Variants in EMG1 observed in about 807,000 individuals in gnomAD.
EMG1 encodes the protein EMG1 N1-specific pseudouridine methyltransferase, also known as ribosomal RNA small subunit methyltransferase NEP1.
A neutral mutation model predicts 26.9 loss-of-function variants in EMG1; 24 were observed. The ratio of observed to expected loss-of-function variants is 0.89; its 90% confidence interval spans 0.65 to 1.26. EMG1 has a LOEUF of 1.26. EMG1 is among the 50% of genes most tolerant of loss of function. The pLI is 0.00. For missense variants in EMG1, 299 were observed against 307.6 expected, an observed-to-expected ratio of 0.97 and a Z score of 0.21; for synonymous variants, 140 against 112.6, an observed-to-expected ratio of 1.24 and a Z score of -1.54.
chr12:6,973,076 G>A (rs782425562), intron 1 of EMG1, among the ~76,000 whole-genome samples: 2 of 151,202 alleles, frequency 1.3e-5, no homozygotes, highest in Admixed American at 1.3e-4. Context: ...CTGGGCTCAA[G>A]TGATCCTTCC....
chr12:6,979,969 T>C (rs1946452928), downstream of EMG1: 1 of 175,018 alleles, frequency 5.7e-6, no homozygotes, highest in Non-Finnish European at 1.2e-5. Flanking sequence ...GAATTGATGC[T>C]GAAACACAGG....
intron 7 of EMG1, among the ~76,000 whole-genome samples, chr12:6,994,230 CAG>C (rs1246779345): frequency 6.6e-6 from 1 of 152,096 alleles, no homozygotes; most frequent in African/African-American, 2.4e-5. Flanking sequence ...CCCTTTGGGA[CAG>C]AGTCTCTCTG....
chr12:6,975,513 C>A, intron 5 of EMG1, 135 bp downstream of exon 5: 1 of 1,098,338 alleles, frequency 9.1e-7, no homozygotes, highest in Non-Finnish European at 1.3e-6. Flanking sequence ...CCCCAGGGCA[C>A]ATCCTTTGAG....
At position 6,978,313 on chromosome 12, in the gene EMG1, G is replaced by C; in HGVS notation, c.*2504G>C. 1 of 1,587,308 alleles carries C rather than the reference G, an allele frequency of 6.3e-7. No homozygotes were observed. The highest frequency in any genetic ancestry group is 8.6e-7 in the Non-Finnish European group (1 of 1,165,798). ...GGAAGACAGTGGAAGGAAGGAACCA[G>C]GGTCCAGGCTCCCCACCAGCAGCTC... On this transcript the variant is annotated 3_prime_UTR_variant, in exon 6 of 6. Transcript: ENST00000599672.
rs1478084014 is a variant in EMG1 at position 6,977,698 on chromosome 12, T to C, written c.*1889T>C. 1.9e-6 allele frequency: 3 copies of C among 1,614,104 alleles called. No individual in the cohort carries two copies. The African/African-American group carries it at 4.0e-5, about 22-fold the overall frequency. The stretch of plus-strand genomic sequence containing the variant: ...GGCCAGGAATAGCAACGAGAGACCC[T>C]GAGAGAGTTCTTTATTTCCAAGGAA... On this transcript the variant is annotated 3_prime_UTR_variant, in exon 6 of 6. Coordinates refer to ENST00000599672, the MANE Select transcript of EMG1 (RefSeq NM_006331.8). The surrounding 1 kb of genome is among the most constrained non-coding windows in gnomAD (Gnocchi z 4.5).
In EMG1 at chr12:6,977,769, G is replaced by T; in HGVS notation, c.*1960G>T. 6.2e-7 allele frequency: 1 copy of T among 1,613,240 alleles called. No homozygotes were observed. Among genetic ancestry groups the T allele is most frequent in the South Asian group, 1.1e-5 (1 of 90,820 alleles). ...AGCTGGAGAAAAGGGTGGGTGGGGCGACCCTCAAACTGACTGGTCCTTGCA... is the reference window on the plus strand; with the variant it reads ...AGCTGGAGAAAAGGGTGGGTGGGGCTACCCTCAAACTGACTGGTCCTTGCA... On this transcript the variant is annotated 3_prime_UTR_variant, in exon 6 of 6. Coordinates refer to ENST00000599672, the MANE Select transcript of EMG1 (RefSeq NM_006331.8). The surrounding 1 kb of genome is among the most constrained non-coding windows in gnomAD (Gnocchi z 4.5).
intron 6 of EMG1, among the ~76,000 whole-genome samples, chr12:6,985,303 G>A (rs1946511758): frequency 6.6e-6 from 1 of 152,084 alleles, no homozygotes; most frequent in Non-Finnish European, 1.5e-5. Flanking sequence ...GGCTGAGGCA[G>A]GAGAATGGCA....
chr12:6,981,702 T>C (rs1555154107), downstream of EMG1: 2 of 1,239,688 alleles, frequency 1.6e-6, no homozygotes, highest in Non-Finnish European at 2.2e-6. Flanking sequence ...GTAGACTGAG[T>C]GCAGCCAGAA....
chr12:6,992,991 TTATTG>T (rs1309942205), downstream of EMG1, among the ~76,000 whole-genome samples: 2 of 152,324 alleles, frequency 1.3e-5, no homozygotes, highest in Non-Finnish European at 2.9e-5. Context: ...TATATTTTTA[TTATTG>T]TATTATTATT....
At chr12:6,972,630 T>C (rs1316590744) in intron 1 of EMG1, among the ~76,000 whole-genome samples, 1 of 152,224 alleles carries the variant, frequency 6.6e-6, no homozygotes, top group Non-Finnish European at 1.5e-5. Context: ...ATCAAACTTC[T>C]GATGTCTTTT....
Position 6,977,020 on chromosome 12 carries a change from T to C in EMG1, c.*1211T>C, listed in dbSNP as rs1946411516. On this transcript the variant is annotated 3_prime_UTR_variant, in exon 6 of 6. Coordinates refer to ENST00000599672, the MANE Select transcript of EMG1 (RefSeq NM_006331.8). The surrounding 1 kb of genome is among the most constrained non-coding windows in gnomAD (Gnocchi z 4.5). ...TCATTGCCCATACTGTGTTCCTTAG[T>C]AGCCAGGCTAATCCTTGGAATTCAC... 1.4e-6 allele frequency: 1 copy of C among 716,522 alleles called. No homozygotes were observed. Among genetic ancestry groups the C allele is most frequent in the Admixed American group, 2.0e-5 (1 of 48,990 alleles). 44.4% of individuals were successfully genotyped at this position (716,522 alleles called of 1,614,324 possible).
chr12:6,994,839 A>C (rs1308089080), intron 7 of EMG1, among the ~76,000 whole-genome samples: 2 of 152,072 alleles, frequency 1.3e-5, no homozygotes, highest in African/African-American at 4.8e-5. Flanking sequence ...CGTTTCTTTC[A>C]CCGAAGGCAT....
rs1946437580 is a variant in EMG1, at chr12:6,978,746, C to T, written c.*2937C>T. The T allele has an allele frequency of 6.3e-7, 1 of 1,596,428 alleles. No homozygotes were observed. Among genetic ancestry groups the T allele is most frequent in the East Asian group, 2.2e-5 (1 of 44,626 alleles). On this transcript the variant is annotated 3_prime_UTR_variant, in exon 6 of 6. Transcript: ENST00000599672. ...TATCACATGACTAGGCAGTTTCTCT[C>T]AGCACTCTTCCTTTTCACACTTGTG...
chr12:6,983,503 A>G (rs1295988013), downstream of EMG1: 4 of 1,612,566 alleles, frequency 2.5e-6, no homozygotes, highest in Non-Finnish European at 3.4e-6. Context: ...CTCCTTGTAG[A>G]AAAGGTAATG....
At position 6,978,271 on chromosome 12, in the gene EMG1, C is replaced by A; in HGVS notation, c.*2462C>A. 1.3e-6 allele frequency: 2 copies of A among 1,534,386 alleles called. No homozygotes were observed. Among genetic ancestry groups the A allele is most frequent in the Non-Finnish European group, 1.8e-6 (2 of 1,134,220 alleles). On this transcript the variant is annotated 3_prime_UTR_variant, in exon 6 of 6. Coordinates refer to ENST00000599672, the MANE Select transcript of EMG1 (RefSeq NM_006331.8). ...GACGCATAGGGGTGACATGGTACAC[C>A]CCTGCCCTCCAATCTGGGAAGACAG...
At position 6,978,319 on chromosome 12, in the gene EMG1, A is replaced by G; in HGVS notation, c.*2510A>G. On this transcript the variant is annotated 3_prime_UTR_variant, in exon 6 of 6. Coordinates refer to ENST00000599672, the MANE Select transcript of EMG1 (RefSeq NM_006331.8). ...CAGTGGAAGGAAGGAACCAGGGTCCAGGCTCCCCACCAGCAGCTCACCGGG... is the reference window on the plus strand; with the variant it reads ...CAGTGGAAGGAAGGAACCAGGGTCCGGGCTCCCCACCAGCAGCTCACCGGG... 1 of 1,593,106 alleles carries G rather than the reference A, an allele frequency of 6.3e-7. No homozygotes were observed. Among genetic ancestry groups the G allele is most frequent in the African/African-American group, 1.3e-5 (1 of 74,474 alleles).
At chr12:6,991,880 C>A (rs1946593061), downstream of EMG1, among the ~76,000 whole-genome samples, 1 of 152,102 alleles carries the variant, frequency 6.6e-6, no homozygotes, top group African/African-American at 2.4e-5. Flanking sequence ...GCATATTTCC[C>A]ATTTCTTCAA....
chr12:6,978,583 G>A lies in EMG1; in HGVS notation c.*2774G>A. 1 of 1,613,998 alleles carries A rather than the reference G, an allele frequency of 6.2e-7. No homozygotes were observed. The highest frequency in any genetic ancestry group is 8.5e-7 in the Non-Finnish European group (1 of 1,179,946). On this transcript the variant is annotated 3_prime_UTR_variant, in exon 6 of 6. Coordinates refer to ENST00000599672, the MANE Select transcript of EMG1 (RefSeq NM_006331.8). ...CCATGGCTTGTCTAAATAGGACCTT[G>A]TTTCAACTTTTCTACTTACTGTGAC...
chr12:6,995,118 G>A lies in EMG1; in HGVS notation c.*212-2107G>A, dbSNP rs1213093481. On this transcript the variant is annotated intron_variant and NMD_transcript_variant, in intron 7 of 7. Coordinates refer to the EMG1 transcript ENST00000607161. ...ATTTCTCCCTAAATCAGCCTTCTCT[G>A]GGCTTTTTTTTTTTTTTTAAATTAA... Among the ~76,000 whole-genome samples, 4 of 76,902 alleles carry A rather than the reference G, an allele frequency of 5.2e-5. No homozygotes were observed. The South Asian group carries it at 2.2e-3, about 41-fold the overall frequency. The allele number at this position is 76,902 out of a possible 152,430, so 50.5% of individuals were successfully genotyped here.
Sources: allele counts gnomAD v4.1 joint callset (sites outside exome capture counted in the v4.1 genomes callset), GRCh38; gene constraint gnomAD v4.1.1; non-coding constraint Gnocchi (gnomAD v3.1); transcripts MANE v1.5; gene names NCBI Gene and HGNC (gene_info 2026-07-23, HGNC 2026-07-21).